The following WDR72 variants were observed in gnomAD, a reference collection of about 807,000 sequenced individuals.
The protein encoded by WDR72 is WD repeat-containing protein 72.
WDR72 carries 120 observed loss-of-function variants against 124.2 expected under a neutral mutation model. The observed-to-expected ratio is 0.97, with a 90% CI of 0.83 to 1.12. The LOEUF is 1.12. Among genes scored for constraint, WDR72 ranks in the 50% most tolerant of loss-of-function variants. WDR72 has a pLI of 0.00. For missense variants in WDR72, 1,387 were observed against 1,278.8 expected, an observed-to-expected ratio of 1.08 and a Z score of -1.29; for synonymous variants, 452 against 441.7, an observed-to-expected ratio of 1.02 and a Z score of -0.29.
chr15:53,634,789 T>C (rs528210055), intron 14 of WDR72, among the ~76,000 whole-genome samples: 2 of 152,330 alleles, frequency 1.3e-5, no homozygotes, highest in South Asian at 2.1e-4. Flanking sequence ...GCAAAGTAAG[T>C]TGACCTTGCA....
intron 11 of WDR72, among the ~76,000 whole-genome samples, chr15:53,703,498 C>A (rs1222307962): frequency 6.6e-6 from 1 of 151,232 alleles, no homozygotes; most frequent in Non-Finnish European, 1.5e-5. Context: ...TCCCTCTTAA[C>A]CACAGATGTT....
At chr15:53,658,770 T>A (rs935306976) in intron 14 of WDR72, among the ~76,000 whole-genome samples, 3 of 152,194 alleles carry the variant, frequency 2.0e-5, no homozygotes, top group Non-Finnish European at 4.4e-5. Context: ...CTGAAAACTC[T>A]CCATTTGTAC....
In WDR72 at chr15:53,705,014, A is replaced by T. The variant is rs2017307014; in HGVS notation, c.1322T>A (p.Leu441His). ...TQALNAAKARLLEGGSLVKDS... is the reference protein window; with the variant it reads ...TQALNAAKARHLEGGSLVKDS... ...TTTTACTAAAGAACCACCTTCCAGA[A>T]GTCTTGCTTTGGCAGCATTCAAAGC... The change falls in exon 11 of 20, where the codon CTT becomes CAT. Residue 441 changes from leucine (L) to histidine (H), a missense_variant. Physicochemically the swap from Leu to His is moderately conservative, Grantham distance 99. Transcript: ENST00000360509. The T allele has an allele frequency of 1.2e-6, 2 of 1,614,028 alleles. No individual in the cohort carries two copies. Among genetic ancestry groups the T allele is most frequent in the Non-Finnish European group, 8.5e-7 (1 of 1,180,016 alleles).
intron 18 of WDR72, among the ~76,000 whole-genome samples, chr15:53,546,570 C>T (rs1001369204): frequency 2.6e-5 from 4 of 151,790 alleles, no homozygotes; most frequent in Admixed American, 1.3e-4. Context: ...TGCTAGATGA[C>T]GAGTTAGTGG....
intron 9 of WDR72, among the ~76,000 whole-genome samples, chr15:53,706,371 T>TATACATATATATATATATATATAC (rs2017372568): frequency 1.9e-5 from 1 of 52,638 alleles, no homozygotes; most frequent in African/African-American, 7.2e-5. Flanking sequence ...TATATATATA[T>TATACATATATATATATATATATAC]ATATATATAT....
Position 53,661,834 on chromosome 15 carries a change from T to C in WDR72, c.1962+3738A>G, listed in dbSNP as rs144770093. Among the ~76,000 whole-genome samples the C allele has an allele frequency of 8.5e-5, 13 of 152,266 alleles. No individual in the cohort carries two copies. In the East Asian group the frequency reaches 2.3e-3, roughly 27 times the overall value. ...GTTTAATGGCTACCATTTTAGACAG[T>C]GAAGCTCTAGAAAAGCAAATCACAA... On this transcript the variant is annotated intron_variant, in intron 14 of 19. Transcript: ENST00000360509.
intron 14 of WDR72, among the ~76,000 whole-genome samples, chr15:53,629,287 G>A (rs938043035): frequency 4.5e-4 from 69 of 151,940 alleles, no homozygotes; most frequent in African/African-American, 1.5e-3. Context: ...CTAGAAATGA[G>A]CTTGCAAACC....
At chr15:53,686,750 G>A (rs1054589141) in intron 13 of WDR72, among the ~76,000 whole-genome samples, 2 of 149,596 alleles carry the variant, frequency 1.3e-5, no homozygotes, top group African/African-American at 2.5e-5. Flanking sequence ...CAAATCAACA[G>A]AATATACATT....
Position 53,715,607 on chromosome 15 carries a change from C to G in WDR72, c.340-240G>C, listed in dbSNP as rs552165148. Among the ~76,000 whole-genome samples the G allele has an allele frequency of 5.3e-5, 8 of 152,148 alleles. 1 individual carries two copies. In the South Asian group the frequency reaches 1.7e-3, roughly 32 times the overall value. ...ATCGCTTGGAAGAAGTAATTTTATT[C>G]TAAATCATGGAAAGCTCACAATTAT... On this transcript the variant is annotated intron_variant, in intron 4 of 19. Transcript: ENST00000360509.
At chr15:53,738,197 C>T (rs2018410911) in intron 1 of WDR72, among the ~76,000 whole-genome samples, 1 of 151,858 alleles carries the variant, frequency 6.6e-6, no homozygotes, top group African/African-American at 2.4e-5. Context: ...AAAATTACAG[C>T]CTTAAACACA....
chr15:53,519,797 A>G (rs900051539), intron 19 of WDR72, among the ~76,000 whole-genome samples: 1 of 151,882 alleles, frequency 6.6e-6, no homozygotes, highest in Non-Finnish European at 1.5e-5. Flanking sequence ...GTGAACAATC[A>G]CTCCACAAGC....
intron 2 of WDR72, among the ~76,000 whole-genome samples, chr15:53,727,465 T>G (rs1161324346): frequency 1.3e-5 from 2 of 152,146 alleles, no homozygotes; most frequent in Non-Finnish European, 2.9e-5. Context: ...AAAAGAGCTG[T>G]TGTCAGACTA....
chr15:53,621,042 T>TA (rs2013969687), intron 14 of WDR72, among the ~76,000 whole-genome samples: 2 of 151,730 alleles, frequency 1.3e-5, no homozygotes, highest in South Asian at 4.2e-4. Flanking sequence ...AACAAACATA[T>TA]AAAAAATGCT....
At position 53,516,459 on chromosome 15, in the gene WDR72, CT is replaced by C. The variant is rs1180969862; in HGVS notation, c.*1239del. On this transcript the variant is annotated 3_prime_UTR_variant, in exon 20 of 20. Coordinates refer to ENST00000360509, the MANE Select transcript of WDR72 (RefSeq NM_182758.4). Reference sequence around the variant, plus strand: ...AAAAATGTTTCTTTAATTGAAGTGACTTGAACTTCTCTGTTAGATACATACA... The same window carrying C: ...AAAAATGTTTCTTTAATTGAAGTGACTGAACTTCTCTGTTAGATACATACA... The C allele has an allele frequency of 6.6e-6, 1 of 151,986 alleles. No individual in the cohort carries two copies. Among genetic ancestry groups the C allele is most frequent in the African/African-American group, 2.4e-5 (1 of 41,394 alleles). 9.4% of individuals were successfully genotyped at this position (151,986 alleles called of 1,614,324 possible).
intron 16 of WDR72, among the ~76,000 whole-genome samples, chr15:53,611,109 T>C (rs1236307016): frequency 6.6e-6 from 1 of 152,126 alleles, no homozygotes; most frequent in Non-Finnish European, 1.5e-5. Context: ...AGTCAATTCC[T>C]GCTGACAGAA....
chr15:53,555,411 C>T (rs907721108), intron 18 of WDR72, among the ~76,000 whole-genome samples: 7 of 151,378 alleles, frequency 4.6e-5, no homozygotes, highest in South Asian at 4.2e-4. Context: ...TGGGGGAAAC[C>T]GGGAAATGTA....
At chr15:53,599,766 T>C (rs16966278) in intron 17 of WDR72, among the ~76,000 whole-genome samples, 19,452 of 146,628 alleles carry the variant, frequency 0.13, 1,812 homozygotes, top group African/African-American at 0.27. Context: ...CTATACAACT[T>C]GGATAATCAT....
chr15:53,598,732 T>C (rs2012898852), intron 17 of WDR72, among the ~76,000 whole-genome samples: 1 of 152,192 alleles, frequency 6.6e-6, no homozygotes, highest in Non-Finnish European at 1.5e-5. Flanking sequence ...AATAGTAGAA[T>C]ATCACTATTG....
At chr15:53,645,684 T>C (rs534713979) in intron 14 of WDR72, among the ~76,000 whole-genome samples, 124 of 152,316 alleles carry the variant, frequency 8.1e-4, no homozygotes, top group African/African-American at 2.6e-3. Context: ...AGCATGATTT[T>C]TCTCTTAAAC....
Sources: gnomAD v4.1 joint callset for allele counts (sites outside exome capture counted in the v4.1 genomes callset) on GRCh38, gnomAD v4.1.1 for gene constraint, MANE v1.5 for transcripts, NCBI Gene and HGNC (gene_info 2026-07-23, HGNC 2026-07-21) for gene names.